XKR6: variants seen among roughly 807,000 people sequenced by gnomAD.
XKR6 encodes XK-related protein 6.
A neutral mutation model predicts 56.7 loss-of-function variants in XKR6; 22 were observed. That is an observed-to-expected ratio of 0.39 (90% confidence interval 0.28 to 0.55). XKR6 has a LOEUF of 0.55. Ranked by LOEUF, XKR6 falls within the 20% of genes least tolerant of loss-of-function variation. XKR6 has a pLI of 0.66. For synonymous variants in XKR6, 524 were observed against 387.8 expected (o/e 1.35, Z -4.13); for missense variants, 852 against 889.0 (o/e 0.96, Z 0.53).
chr8:11,019,323 A>G (rs1225504701), intron 1 of XKR6, among the ~76,000 whole-genome samples: 1 of 152,234 alleles, frequency 6.6e-6, no homozygotes, highest in Non-Finnish European at 1.5e-5. Context: ...GAATGGGCAG[A>G]CACTTCACAT....
At chr8:11,148,170 A>T (rs1801085758) in intron 1 of XKR6, among the ~76,000 whole-genome samples, 1 of 152,146 alleles carries the variant, frequency 6.6e-6, no homozygotes, top group Non-Finnish European at 1.5e-5. Context: ...AGATCATACC[A>T]CTGTACTCCA....
intron 1 of XKR6, among the ~76,000 whole-genome samples, chr8:11,123,055 G>A (rs1204511328): frequency 6.6e-6 from 1 of 152,036 alleles, no homozygotes; most frequent in Non-Finnish European, 1.5e-5. Context: ...CGGCCAACAT[G>A]GTGAAACCTC....
intron 1 of XKR6, among the ~76,000 whole-genome samples, chr8:11,078,900 G>A (rs958955291): frequency 6.6e-5 from 10 of 152,364 alleles, no homozygotes; most frequent in South Asian, 4.1e-4. Flanking sequence ...CTCATGAGCC[G>A]TCAATTTCAG....
chr8:11,052,809 G>A lies in XKR6; in HGVS notation c.765-127979C>T, dbSNP rs190714402. 2.0e-3 allele frequency among the ~76,000 whole-genome samples: 297 copies of A among 151,532 alleles called. 2 individuals carry two copies. The highest frequency in any genetic ancestry group is 0.01 in the Middle Eastern group (3 of 294). On this transcript the variant is annotated intron_variant, in intron 1 of 2. Transcript: ENST00000416569. ...AAGCTTGGGGACCTCTAGAGGGCTC[G>A]TTAGGATTCCTCTGCTGCCCGCCGT...
chr8:11,149,330 GGTAA>G (rs1285958755), intron 1 of XKR6, among the ~76,000 whole-genome samples: 3 of 152,016 alleles, frequency 2.0e-5, no homozygotes, highest in African/African-American at 7.2e-5. Flanking sequence ...ATAACAAAAT[GGTAA>G]GTATTTGTTT....
intron 1 of XKR6, among the ~76,000 whole-genome samples, chr8:10,969,982 C>T (rs1183152755): frequency 1.3e-5 from 2 of 152,358 alleles, no homozygotes; most frequent in South Asian, 4.1e-4. Flanking sequence ...CCCAGAGGCC[C>T]ACAGACCCTG....
At chr8:11,003,296 CTCA>C (rs1798288677) in intron 1 of XKR6, among the ~76,000 whole-genome samples, 1 of 152,094 alleles carries the variant, frequency 6.6e-6, no homozygotes. Context: ...TCACCACCAC[CTCA>C]TCATCACCAC....
chr8:11,050,007 G>C (rs779254718), intron 1 of XKR6, among the ~76,000 whole-genome samples: 1 of 152,152 alleles, frequency 6.6e-6, no homozygotes, highest in Non-Finnish European at 1.5e-5. Context: ...TGCAACCACA[G>C]AGATCTCGCA....
chr8:11,005,057 C>T (rs568832465), intron 1 of XKR6, among the ~76,000 whole-genome samples: 4 of 152,174 alleles, frequency 2.6e-5, no homozygotes, highest in Admixed American at 6.5e-5. Context: ...ATGGGAGATA[C>T]GTTTCAGTGG....
chr8:10,908,169 C>A (rs1187262854), intron 2 of XKR6, among the ~76,000 whole-genome samples: 1 of 152,192 alleles, frequency 6.6e-6, no homozygotes, highest in Non-Finnish European at 1.5e-5. Flanking sequence ...GAAGACTGTG[C>A]TCACCCATGC....
chr8:11,150,852 CAAAAAAA>C (rs546547767), intron 1 of XKR6, among the ~76,000 whole-genome samples: 10 of 90,286 alleles, frequency 1.1e-4, no homozygotes, highest in Admixed American at 3.9e-4. Context: ...GACTCCATCT[CAAAAAAA>C]AAAAAAAAAA....
intron 1 of XKR6, among the ~76,000 whole-genome samples, chr8:11,193,377 G>A (rs185430390): frequency 1.3e-5 from 2 of 152,288 alleles, no homozygotes; most frequent in East Asian, 1.9e-4. Context: ...ATAGGGTGCT[G>A]TAGTATGTTT....
intron 1 of XKR6, among the ~76,000 whole-genome samples, chr8:10,993,638 C>T (rs1374263716): frequency 1.3e-5 from 2 of 152,168 alleles, no homozygotes; most frequent in East Asian, 1.9e-4. Context: ...GGGGGCTGTC[C>T]CTTGAATCTC....
At chr8:10,994,094 T>C (rs547903149) in intron 1 of XKR6, among the ~76,000 whole-genome samples, 1 of 152,278 alleles carries the variant, frequency 6.6e-6, no homozygotes, top group South Asian at 2.1e-4. Flanking sequence ...CCCCTGAACA[T>C]GGTTCCCCAA....
At chr8:10,938,057 C>T (rs1053141963) in intron 1 of XKR6, among the ~76,000 whole-genome samples, 2 of 152,150 alleles carry the variant, frequency 1.3e-5, no homozygotes, top group Non-Finnish European at 2.9e-5. Context: ...AGCGAGACTC[C>T]GTGGGCGTAG....
intron 1 of XKR6, among the ~76,000 whole-genome samples, chr8:11,073,981 C>G (rs113293648): frequency 6.6e-6 from 1 of 151,840 alleles, no homozygotes; most frequent in African/African-American, 2.4e-5. Context: ...GCAGTCTGTT[C>G]GGCTGGTTTG....
intron 1 of XKR6, among the ~76,000 whole-genome samples, chr8:11,091,565 G>A (rs915355770): frequency 1.3e-5 from 2 of 152,318 alleles, no homozygotes; most frequent in Admixed American, 6.5e-5. Flanking sequence ...GCTGTGTCCA[G>A]GCTAGGGGGT....
At chr8:10,923,204 C>T (rs533133189) in intron 2 of XKR6, among the ~76,000 whole-genome samples, 1 of 152,328 alleles carries the variant, frequency 6.6e-6, no homozygotes, top group East Asian at 1.9e-4. Flanking sequence ...GGAACTGGTC[C>T]CTCAGCTCAG....
intron 1 of XKR6, among the ~76,000 whole-genome samples, chr8:11,173,046 C>G (rs1210817121): frequency 2.0e-5 from 3 of 152,170 alleles, no homozygotes; most frequent in Non-Finnish European, 2.9e-5. Context: ...AAAAATATAA[C>G]AGCTTCCGGC....
Sources: allele counts gnomAD v4.1 joint callset (sites outside exome capture counted in the v4.1 genomes callset), GRCh38; gene constraint gnomAD v4.1.1; transcripts MANE v1.5; gene names NCBI Gene and HGNC (gene_info 2026-07-23, HGNC 2026-07-21).